Variants in PHLPP2 observed in about 807,000 individuals in gnomAD.
PHLPP2 encodes the protein PH domain leucine-rich repeat-containing protein phosphatase 2.
PHLPP2 carries 66 observed loss-of-function variants against 124.9 expected under a neutral mutation model. The ratio of observed to expected loss-of-function variants is 0.53; its 90% CI spans 0.43 to 0.65. The LOEUF (loss-of-function observed/expected upper bound fraction) is 0.65, where lower values mean the gene tolerates loss of function less well. PHLPP2 is among the 30% of genes least tolerant of loss of function. The pLI is 0.00. For synonymous variants in PHLPP2, 681 were observed against 624.7 expected, an observed-to-expected ratio of 1.09 and a Z score of -1.34; for missense variants, 1,685 against 1,600.4, an observed-to-expected ratio of 1.05 and a Z score of -0.90.
chr16:71,705,897 G>A (rs550943127), intron 2 of PHLPP2, among the ~76,000 whole-genome samples: 83 of 152,250 alleles, frequency 5.5e-4, no homozygotes, highest in African/African-American at 1.7e-3. Context: ...CAAGTAAAAT[G>A]AAGGACTAAT....
chr16:71,706,456 A>C (rs1024732708), intron 2 of PHLPP2, among the ~76,000 whole-genome samples: 17 of 152,240 alleles, frequency 1.1e-4, no homozygotes, highest in African/African-American at 4.1e-4. Flanking sequence ...CACTATTAAA[A>C]TCAAACACAT....
intron 10 of PHLPP2, 124 bp from the exon 11 acceptor site, chr16:71,669,494 C>G: frequency 1.5e-6 from 1 of 658,414 alleles, no homozygotes; most frequent in East Asian, 2.6e-5. Flanking sequence ...GTCTCCAAGG[C>G]ATCCCTTGGA....
chr16:71,689,255 C>T (rs2045083506), intron 4 of PHLPP2, among the ~76,000 whole-genome samples: 2 of 151,800 alleles, frequency 1.3e-5, no homozygotes, highest in Non-Finnish European at 2.9e-5. Flanking sequence ...CACTCTGTCA[C>T]ATAAGGCTAG....
rs72799884 is a variant in PHLPP2 at position 71,667,621 on chromosome 16, G to C, written c.1629-288C>G. Among the ~76,000 whole-genome samples the C allele has an allele frequency of 2.1e-3, 326 of 152,322 alleles. 1 individual carries two copies. Among genetic ancestry groups the C allele is most frequent in the Middle Eastern group, 0.017 (5 of 294 alleles). On this transcript the variant is annotated intron_variant, in intron 11 of 18. Transcript: ENST00000568954. ...GCAATTTCTAGAATAAATCAATTTAGATTTTAAGTCTAAGCAGCACCAAAA... is the reference window on the plus strand; with the variant it reads ...GCAATTTCTAGAATAAATCAATTTACATTTTAAGTCTAAGCAGCACCAAAA...
intron 5 of PHLPP2, among the ~76,000 whole-genome samples, chr16:71,682,403 G>C (rs543068614): frequency 6.6e-6 from 1 of 151,882 alleles, no homozygotes; most frequent in African/African-American, 2.4e-5. Context: ...GGCTGGTTTC[G>C]AACTCCTGAC....
intron 10 of PHLPP2, among the ~76,000 whole-genome samples, chr16:71,669,673 G>T (rs2044873530): frequency 6.6e-6 from 1 of 152,162 alleles, no homozygotes; most frequent in Non-Finnish European, 1.5e-5. Flanking sequence ...ATGGGATGAG[G>T]GAAAGACAAG....
Position 71,649,834 on chromosome 16 carries a change from C to G in PHLPP2, c.3028G>C (p.Ala1010Pro). The G allele has an allele frequency of 6.2e-7, 1 of 1,614,188 alleles. No homozygotes were observed. ...VRHVQDPLAAAKKLCTLAQSY... is the reference protein window; with the variant it reads ...VRHVQDPLAAPKKLCTLAQSY... ...TGCGCTAATGTGCACAGCTTCTTAG[C>G]AGCTGCTAATGGGTCTTGTACGTGA... The change falls in exon 19 of 19, where the codon GCT (alanine) becomes CCT (proline). Residue 1010 changes from alanine to proline, a missense_variant. Transcript: ENST00000568954.
intron 15 of PHLPP2, among the ~76,000 whole-genome samples, chr16:71,657,003 C>A (rs1030065406): frequency 1.3e-5 from 2 of 151,910 alleles, no homozygotes; most frequent in African/African-American, 4.8e-5. Flanking sequence ...AGTGCAGTGG[C>A]GCAATCTCGG....
In PHLPP2 at chr16:71,714,770, C is replaced by T. The variant is rs1444026885; in HGVS notation, c.26G>A (p.Cys9Tyr). 1 of 1,613,682 alleles carries T rather than the reference C, an allele frequency of 6.2e-7. No individual in the cohort carries two copies. Among genetic ancestry groups the T allele is most frequent in the Non-Finnish European group, 8.5e-7 (1 of 1,179,802 alleles). Residue 9 changes from cysteine (C) to tyrosine (Y), a missense_variant, in exon 2 of 19, where the codon TGT becomes TAT. Physicochemically the swap from Cys to Tyr is radical, Grantham distance 194. Coordinates refer to ENST00000568954, the MANE Select transcript of PHLPP2 (RefSeq NM_015020.3). ...ACCAAACCTACTTCTCCTATTCAAA[C>T]AATTTCTGCTCCCATTGCGTTTCAT... MKRNGSRN[C>Y]LNRRSRFGSR...
At chr16:71,719,609 T>C (rs556619385) in intron 1 of PHLPP2, among the ~76,000 whole-genome samples, 2 of 151,712 alleles carry the variant, frequency 1.3e-5, no homozygotes. Flanking sequence ...CCCAAAACTA[T>C]TCTTGAAAAA....
At chr16:71,672,770 C>G (rs532053647) in intron 9 of PHLPP2, among the ~76,000 whole-genome samples, 4 of 152,232 alleles carry the variant, frequency 2.6e-5, no homozygotes, top group Admixed American at 1.3e-4. Flanking sequence ...TCCCTGGGAA[C>G]TGCCCCATGT....
intron 4 of PHLPP2, among the ~76,000 whole-genome samples, chr16:71,687,650 T>G (rs2045066401): frequency 6.6e-6 from 1 of 152,184 alleles, no homozygotes; most frequent in African/African-American, 2.4e-5. Context: ...CCTCTAATTT[T>G]AGTGGCTATT....
chr16:71,684,234 G>A (rs1038878742), intron 5 of PHLPP2, among the ~76,000 whole-genome samples: 5 of 148,188 alleles, frequency 3.4e-5, no homozygotes, highest in Admixed American at 1.4e-4. Context: ...CAAGCGATTC[G>A]CCTGCCTCAG....
intron 3 of PHLPP2, among the ~76,000 whole-genome samples, chr16:71,696,307 A>G (rs2045169726): frequency 6.6e-6 from 1 of 152,194 alleles, no homozygotes; most frequent in Non-Finnish European, 1.5e-5. Context: ...ACACACTAGT[A>G]ACACCTATTT....
At chr16:71,665,415 T>C (rs1389871983) in intron 12 of PHLPP2, among the ~76,000 whole-genome samples, 5 of 152,224 alleles carry the variant, frequency 3.3e-5, no homozygotes, top group Middle Eastern at 3.2e-3. Context: ...GCCAGTCTAG[T>C]AGATAAAACA....
rs1567609831 is a variant in PHLPP2 at position 71,648,390 on chromosome 16, T to C, written c.*500A>G. 1.2e-5 allele frequency: 2 copies of C among 163,846 alleles called. No homozygotes were observed. The highest frequency in any genetic ancestry group is 2.4e-5 in the African/African-American group (1 of 41,596). 10.1% of individuals were successfully genotyped at this position (163,846 alleles called of 1,614,324 possible). A position where few individuals can be genotyped will look rare whatever the true frequency, so the allele number is the denominator to read the frequency against. ...TAAATGTGAAACTTAACACTGATAG[T>C]GGCTACCAGTTTATCCAGAGCCAGC... is the stretch of plus-strand genomic sequence containing the variant. On this transcript the variant is annotated 3_prime_UTR_variant, in exon 19 of 19. Transcript: ENST00000568954.
intron 10 of PHLPP2, 143 bp downstream of exon 10, chr16:71,672,119 C>A: frequency 1.5e-6 from 1 of 646,432 alleles, no homozygotes; most frequent in Non-Finnish European, 2.7e-6. Context: ...TAAACTTATT[C>A]GTCCATTCAT....
chr16:71,697,023 T>G (rs1188875951), intron 3 of PHLPP2, among the ~76,000 whole-genome samples: 1 of 151,772 alleles, frequency 6.6e-6, no homozygotes, highest in Admixed American at 6.6e-5. Context: ...ATACAAAAAT[T>G]AGCCAGCTGT....
chr16:71,645,133 C>A lies in PHLPP2; in HGVS notation c.*3757G>T. 5.0e-6 allele frequency: 1 copy of A among 201,040 alleles called. No homozygotes were observed. Among genetic ancestry groups the A allele is most frequent in the Non-Finnish European group, 1.0e-5 (1 of 98,060 alleles). The allele number at this position is 201,040 out of a possible 1,614,324, so 12.5% of individuals were successfully genotyped here. A position where few individuals can be genotyped will look rare whatever the true frequency, so the allele number is the denominator to read the frequency against. On this transcript the variant is annotated 3_prime_UTR_variant, in exon 19 of 19. Coordinates refer to ENST00000568954, the MANE Select transcript of PHLPP2 (RefSeq NM_015020.3). The stretch of plus-strand genomic sequence containing the variant: ...TTGCACAAAACCGTAAGATATGAGC[C>A]CACTGTCTGGATGACATCCACTGGC...
Sources: gnomAD v4.1 joint callset for allele counts (sites outside exome capture counted in the v4.1 genomes callset) on GRCh38, gnomAD v4.1.1 for gene constraint, MANE v1.5 for transcripts, NCBI Gene and HGNC (gene_info 2026-07-23, HGNC 2026-07-21) for gene names.